GDF5: variants seen among roughly 807,000 people sequenced by gnomAD.
GDF5 encodes the protein growth differentiation factor 5, also known as growth/differentiation factor 5.
Under a neutral mutation model 34.6 loss-of-function variants are expected in GDF5, and 17 were observed. The observed-to-expected ratio is 0.49, with a 90% CI of 0.34 to 0.74. The LOEUF is 0.74. Ranked by LOEUF, GDF5 falls within the 30% of genes least tolerant of loss-of-function variation. The pLI is 0.01. For missense variants in GDF5, 616 were observed against 661.2 expected (o/e 0.93, Z 0.75); for synonymous variants, 332 against 290.7 (o/e 1.14, Z -1.44).
chr20:35,453,192 G>C (rs375358305), intron 1 of GDF5, among the ~76,000 whole-genome samples: 133 of 152,340 alleles, frequency 8.7e-4, no homozygotes, highest in African/African-American at 3.0e-3. Context: ...GGAGCTTGCA[G>C]TGAGCCGAGA....
At chr20:35,451,052 A>T (rs1347220040) in intron 1 of GDF5, among the ~76,000 whole-genome samples, 10,038 of 21,920 alleles carry the variant, frequency 0.46, 1,811 homozygotes, top group South Asian at 0.5. Context: ...GAAAAAAAAA[A>T]AAAAAAAAAA....
At chr20:35,447,507 T>C (rs1229873944) in intron 1 of GDF5, among the ~76,000 whole-genome samples, 1 of 152,156 alleles carries the variant, frequency 6.6e-6, no homozygotes, top group African/African-American at 2.4e-5. Flanking sequence ...AGCTGGAAAT[T>C]GTATGTGAGT....
At chr20:35,441,665 G>C (rs927170413), upstream of GDF5, among the ~76,000 whole-genome samples, 1 of 151,478 alleles carries the variant, frequency 6.6e-6, no homozygotes, top group Non-Finnish European at 1.5e-5. Flanking sequence ...GTGGTAGCCA[G>C]GATGGTCTCG....
In GDF5 at chr20:35,438,107, T is replaced by G; in HGVS notation, c.-179A>C. ...CTCTTGAAGTCTGCCGGGTGTGTGTTTGTATCCAGTCCCATAGTGGAAATG... is the reference window on the plus strand; with the variant it reads ...CTCTTGAAGTCTGCCGGGTGTGTGTGTGTATCCAGTCCCATAGTGGAAATG... On this transcript the variant is annotated 5_prime_UTR_variant, in exon 1 of 2. Transcript: ENST00000374369. 1 of 690,508 alleles carries G rather than the reference T, an allele frequency of 1.4e-6. No homozygotes were observed. The highest frequency in any genetic ancestry group is 2.5e-6 in the Non-Finnish European group (1 of 395,944). 42.8% of individuals were successfully genotyped at this position (690,508 alleles called of 1,614,324 possible).
At chr20:35,454,179 C>G (rs1214312018) in intron 1 of GDF5, 1 of 373,758 alleles carries the variant, frequency 2.7e-6, no homozygotes, top group African/African-American at 2.1e-5. Flanking sequence ...CAAGGCCGGG[C>G]GCGGTGGCTC....
In GDF5 at chr20:35,437,280, G is replaced by T; in HGVS notation, c.631+18C>A. On this transcript the variant is annotated intron_variant, in intron 1 of 1. Coordinates refer to ENST00000374369, the MANE Select transcript of GDF5 (RefSeq NM_000557.5). ...GCCCCTCCCTCTGAGCCGTGCCCCT[G>T]CCACCCCGCCCCCTCACCTTGCCCT... The T allele has an allele frequency of 1.3e-6, 2 of 1,567,950 alleles. No homozygotes were observed. Among genetic ancestry groups the T allele is most frequent in the Non-Finnish European group, 1.8e-6 (2 of 1,141,878 alleles).
chr20:35,433,721 G>C lies in GDF5; in HGVS notation c.*188C>G, dbSNP rs2062453056. ...AGACGGGCAGCAATCCTCAGCCAGG[G>C]GAACTTGTGGATAAAAGGGGGCCTT... On this transcript the variant is annotated 3_prime_UTR_variant, in exon 2 of 2. Coordinates refer to ENST00000374369, the MANE Select transcript of GDF5 (RefSeq NM_000557.5). 6 of 669,128 alleles carry C rather than the reference G, an allele frequency of 9.0e-6. No individual in the cohort carries two copies. The East Asian group carries it at 1.6e-4, about 18-fold the overall frequency. The allele number at this position is 669,128 out of a possible 1,614,324, so 41.4% of individuals were successfully genotyped here.
intron 1 of GDF5, among the ~76,000 whole-genome samples, chr20:35,447,103 T>C (rs1013986166): frequency 2.6e-5 from 4 of 152,326 alleles, no homozygotes; most frequent in Non-Finnish European, 5.9e-5. Context: ...GTGCACAATG[T>C]GAAGGTTTGT....
chr20:35,443,894 T>C (rs1188899598), intron 1 of GDF5, among the ~76,000 whole-genome samples: 3 of 152,136 alleles, frequency 2.0e-5, no homozygotes, highest in Non-Finnish European at 4.4e-5. Context: ...AATCCCTTTT[T>C]CAAGCACTTG....
chr20:35,450,765 C>G (rs573097430), intron 1 of GDF5, among the ~76,000 whole-genome samples: 15 of 152,030 alleles, frequency 9.9e-5, no homozygotes, highest in African/African-American at 3.6e-4. Context: ...GCAGGCTTGT[C>G]TCTTCTTGCT....
intron 1 of GDF5, among the ~76,000 whole-genome samples, chr20:35,450,890 G>A (rs190253596): frequency 1.3e-5 from 2 of 151,556 alleles, no homozygotes; most frequent in East Asian, 1.9e-4. Context: ...TGGTTTGAGC[G>A]GTTAAAAGTA....
intron 1 of GDF5, among the ~76,000 whole-genome samples, chr20:35,451,396 C>A (rs2062533057): frequency 6.6e-6 from 1 of 151,926 alleles, no homozygotes; most frequent in African/African-American, 2.4e-5. Context: ...TCCAATCCAG[C>A]CTCCTTTGAG....
chr20:35,438,358 T>TCTCACACA (rs1555823628), upstream of GDF5: 1 of 158,868 alleles, frequency 6.3e-6, no homozygotes, highest in South Asian at 1.3e-4. Context: ...TGAAAATACT[T>TCTCACACA]CACACACACA....
At chr20:35,448,626 T>C (rs1264739613) in intron 1 of GDF5, among the ~76,000 whole-genome samples, 1 of 151,950 alleles carries the variant, frequency 6.6e-6, no homozygotes, top group Non-Finnish European at 1.5e-5. Context: ...GTATTTTTAG[T>C]AGAGACAGGG....
rs1050751032 is a variant in GDF5, at chr20:35,443,593, C to T, written c.-397-2206G>A. On this transcript the variant is annotated intron_variant, in intron 1 of 3. Transcript: ENST00000374372. ...ATGGCATGATATCGGCTCACTGCAA[C>T]CTCTGCCTCCCAGGTTCGAGCGATT... is the stretch of plus-strand genomic sequence containing the variant. Among the ~76,000 whole-genome samples, 8 of 152,180 alleles carry T rather than the reference C, an allele frequency of 5.3e-5. No homozygotes were observed. The South Asian group carries it at 1.7e-3, about 32-fold the overall frequency.
intron 1 of GDF5, among the ~76,000 whole-genome samples, chr20:35,451,074 T>TATATATATATATATAA (rs2062531267): frequency 4.8e-5 from 2 of 41,862 alleles, no homozygotes; most frequent in Non-Finnish European, 8.0e-5. Context: ...AATATATATA[T>TATATATATATATATAA]ATATATATAT....
chr20:35,446,408 G>A (rs947898012), intron 1 of GDF5, among the ~76,000 whole-genome samples: 2 of 150,954 alleles, frequency 1.3e-5, no homozygotes, highest in Non-Finnish European at 3.0e-5. Context: ...AATACAGTAT[G>A]TGCTTCATAA....
At position 35,434,151 on chromosome 20, in the gene GDF5, G is replaced by C; in HGVS notation, c.1264C>G (p.Leu422Val). ...TCGCAGTGGAAAGCCTCGTACTCAAGGGGTGCGATGATCCAGTCGTCCCAG... is the reference window on the plus strand; with the variant it reads ...TCGCAGTGGAAAGCCTCGTACTCAACGGGTGCGATGATCCAGTCGTCCCAG... ...MGWDDWIIAPLEYEAFHCEGL... is the reference protein window; with the variant it reads ...MGWDDWIIAPVEYEAFHCEGL... Residue 422 changes from leucine (L) to valine (V), a missense_variant, in exon 2 of 2, where the codon CTT becomes GTT. Physicochemically the swap from Leu to Val is conservative, Grantham distance 32 (BLOSUM62 1). Transcript: ENST00000374369. 1.2e-6 allele frequency: 2 copies of C among 1,614,242 alleles called. No individual in the cohort carries two copies. Among genetic ancestry groups the C allele is most frequent in the Non-Finnish European group, 1.7e-6 (2 of 1,180,042 alleles).
chr20:35,448,115 C>T (rs1056035992), intron 1 of GDF5, among the ~76,000 whole-genome samples: 1 of 152,102 alleles, frequency 6.6e-6, no homozygotes, highest in Non-Finnish European at 1.5e-5. Flanking sequence ...ACCCCAATCT[C>T]TCTAATCACA....
Sources: allele counts gnomAD v4.1 joint callset (sites outside exome capture counted in the v4.1 genomes callset), GRCh38; gene constraint gnomAD v4.1.1; transcripts MANE v1.5; gene names NCBI Gene and HGNC (gene_info 2026-07-23, HGNC 2026-07-21).